Variants in PAX8 observed in about 807,000 individuals in gnomAD.
PAX8 encodes the protein paired box protein Pax-8.
Under a neutral mutation model 52.4 loss-of-function variants are expected in PAX8, and 15 were observed. The ratio of observed to expected loss-of-function variants is 0.29; its 90% confidence interval spans 0.19 to 0.44. The LOEUF is 0.44. PAX8 is among the 20% of genes least tolerant of loss of function. The probability of loss-of-function intolerance (pLI) is 1.00; values close to 1 mark genes in which losing one functional copy is unlikely to be tolerated. For missense variants in PAX8, 554 were observed against 602.5 expected, an observed-to-expected ratio of 0.92 and a Z score of 0.84; for synonymous variants, 284 against 249.7, an observed-to-expected ratio of 1.14 and a Z score of -1.29.
chr2:113,273,094 C>T (rs986099228), intron 2 of PAX8: 2 of 152,214 alleles, frequency 1.3e-5, no homozygotes, highest in Non-Finnish European at 2.9e-5. Context: ...CAACGGAGAA[C>T]TCAGCACTTC....
intron 9 of PAX8, among the ~76,000 whole-genome samples, chr2:113,229,281 G>GA (rs746348815): frequency 7.9e-4 from 119 of 150,284 alleles, no homozygotes; most frequent in African/African-American, 2.4e-3. Context: ...ATGCAAAATG[G>GA]AAAAAAAAAC....
At chr2:113,275,822 C>T (rs1281852916) in intron 2 of PAX8, 1 of 152,230 alleles carries the variant, frequency 6.6e-6, no homozygotes, top group Non-Finnish European at 1.5e-5. Flanking sequence ...GACCTGCGCA[C>T]GTTAAAATGA....
chr2:113,277,756 G>A (rs939694835), intron 2 of PAX8, among the ~76,000 whole-genome samples: 1 of 152,198 alleles, frequency 6.6e-6, no homozygotes, highest in Admixed American at 6.5e-5. Context: ...TGGGGAGGGG[G>A]TTTTGACTCC....
Position 113,246,773 on chromosome 2 carries a change from C to T in PAX8, c.172G>A (p.Val58Ile), listed in dbSNP as rs373578525. Residue 58 changes from valine to isoleucine, a missense_variant, in exon 3 of 12, where the codon GTC (valine) becomes ATC (isoleucine). This residue lies in a region of PAX8 where 109 missense variants were observed against 192.7 expected (regional missense o/e 0.57). Transcript: ENST00000429538. ...SRQLRVSHGC[V>I]SKILGRYYET... ...GCTTACCTGCCAAGGATCTTGCTGA[C>T]GCAGCCATGGCTGACGCGGAGCTGG... 1.1e-5 allele frequency: 17 copies of T among 1,613,112 alleles called. No individual in the cohort carries two copies. Among genetic ancestry groups the T allele is most frequent in the South Asian group, 6.6e-5 (6 of 91,062 alleles).
Position 113,217,869 on chromosome 2 carries a change from A to G in PAX8, c.*664T>C, listed in dbSNP as rs868036257. The G allele has an allele frequency of 1.8e-4, 43 of 233,234 alleles. No homozygotes were observed. In the Middle Eastern group the frequency reaches 5.1e-3, roughly 27 times the overall value. 14.4% of individuals were successfully genotyped at this position (233,234 alleles called of 1,614,324 possible). ...ACCTGGGGTGGTGCTATACCTTCAC[A>G]GCAGCAGGCAAAAGAGGTCAGCTGA... On this transcript the variant is annotated 3_prime_UTR_variant, in exon 12 of 12. Transcript: ENST00000429538.
At chr2:113,256,838 A>C (rs1432438699) in intron 2 of PAX8, among the ~76,000 whole-genome samples, 2 of 151,946 alleles carry the variant, frequency 1.3e-5, no homozygotes, top group Non-Finnish European at 2.9e-5. Context: ...AATTTCTGTC[A>C]CTTCTTTCTG....
In PAX8 at chr2:113,236,564, C is replaced by T. The variant is rs76355236; in HGVS notation, c.898+37G>A. On this transcript the variant is annotated intron_variant, in intron 8 of 11. Coordinates refer to ENST00000429538, the MANE Select transcript of PAX8 (RefSeq NM_003466.4). The stretch of plus-strand genomic sequence containing the variant: ...CAGCCAGCCAAGCTCTTCAGTCCCC[C>T]GCCCTCCACCTGCCAGGGAGGCTCC... The T allele has an allele frequency of 1.3e-3, 1,977 of 1,544,638 alleles. 21 individuals carry two copies. The African/African-American group carries it at 0.019, about 14-fold the overall frequency.
chr2:113,241,242 G>A (rs1690811961), intron 7 of PAX8: 11 of 507,484 alleles, frequency 2.2e-5, no homozygotes, highest in South Asian at 2.0e-4. Context: ...CAGAGTTGTG[G>A]AACGTGATGT....
intron 6 of PAX8, 41 bp downstream of exon 6, chr2:113,241,967 C>T: frequency 6.2e-7 from 1 of 1,609,782 alleles, no homozygotes; most frequent in Non-Finnish European, 8.5e-7. Context: ...GAGCAAACTG[C>T]TCTCGTGCAC....
chr2:113,253,860 A>G (rs1351023797), intron 2 of PAX8, among the ~76,000 whole-genome samples: 3 of 152,018 alleles, frequency 2.0e-5, no homozygotes, highest in Non-Finnish European at 4.4e-5. Context: ...TTTTGGGGGG[A>G]CTGGGGAGGT....
intron 2 of PAX8, among the ~76,000 whole-genome samples, chr2:113,252,230 G>A (rs886076198): frequency 3.3e-5 from 5 of 152,198 alleles, no homozygotes; most frequent in Non-Finnish European, 5.9e-5. Flanking sequence ...AGGTGCAGTG[G>A]CCTCTTTGGG....
chr2:113,278,770 C>G, intron 1 of PAX8, 61 bp downstream of exon 1: 1 of 866,712 alleles, frequency 1.2e-6, no homozygotes, highest in African/African-American at 1.7e-5. Context: ...GGACCCTCTC[C>G]TTTCTTCCAT....
intron 9 of PAX8, among the ~76,000 whole-genome samples, chr2:113,235,167 C>A (rs1027038282): frequency 6.6e-6 from 1 of 152,202 alleles, no homozygotes. Context: ...TCCATGGGGT[C>A]TTGGGGTGGT....
intron 4 of PAX8, 24 bp from the exon 5 acceptor site, chr2:113,242,802 A>G: frequency 6.3e-7 from 1 of 1,584,656 alleles, no homozygotes; most frequent in South Asian, 1.1e-5. Context: ...AAGAAAGGCC[A>G]TGAGAGAGAA....
At chr2:113,247,566 C>T (rs539697871) in intron 2 of PAX8, among the ~76,000 whole-genome samples, 16 of 152,188 alleles carry the variant, frequency 1.1e-4, no homozygotes, top group Non-Finnish European at 2.1e-4. Flanking sequence ...GCAGGGTCCT[C>T]ACAGGCATAG....
chr2:113,254,396 G>T (rs570122841), intron 2 of PAX8, among the ~76,000 whole-genome samples: 13 of 152,210 alleles, frequency 8.5e-5, no homozygotes, highest in Admixed American at 3.3e-4. Flanking sequence ...GGTGTAATGG[G>T]GTGGGGGTGC....
intron 2 of PAX8, 116 bp downstream of exon 2, chr2:113,278,254 C>A: frequency 1.2e-6 from 1 of 844,372 alleles, no homozygotes; most frequent in Non-Finnish European, 1.9e-6. Flanking sequence ...TGGGTCCCCA[C>A]GCGGGTGGGT....
In PAX8 at chr2:113,278,429, G is replaced by A. The variant is rs901775352; in HGVS notation, c.-35C>T. The A allele has an allele frequency of 1.9e-6, 3 of 1,609,914 alleles. No homozygotes were observed. The highest frequency in any genetic ancestry group is 1.1e-5 in the South Asian group (1 of 90,802). ...GTCGCTCGCAGCCCGCCGAGGGCTC[G>A]GGGCTTCCTCCCGTAGGTCCGGGCC... On this transcript the variant is annotated 5_prime_UTR_variant, in exon 2 of 12. Transcript: ENST00000429538.
intron 11 of PAX8, among the ~76,000 whole-genome samples, chr2:113,219,040 G>C (rs1689131871): frequency 6.6e-6 from 1 of 152,192 alleles, no homozygotes; most frequent in Non-Finnish European, 1.5e-5. Flanking sequence ...AAGGGGATCT[G>C]GGCTTGACGG....
Sources: gnomAD v4.1 joint callset for allele counts (sites outside exome capture counted in the v4.1 genomes callset) on GRCh38, gnomAD v4.1.1 for gene constraint, gnomAD v4.1.1 regional missense constraint, MANE v1.5 for transcripts, NCBI Gene and HGNC (gene_info 2026-07-23, HGNC 2026-07-21) for gene names.